Variants in FAM193A observed in about 807,000 individuals in gnomAD.
FAM193A encodes protein FAM193A.
FAM193A carries 22 observed loss-of-function variants against 126.5 expected under a neutral mutation model. The observed-to-expected ratio is 0.17, with a 90% CI of 0.12 to 0.25. The LOEUF is 0.25. FAM193A is among the 10% of genes least tolerant of loss of function. The probability of loss-of-function intolerance (pLI) is 1.00; values close to 1 mark genes in which losing one functional copy is unlikely to be tolerated. For synonymous variants in FAM193A, 761 were observed against 646.8 expected (o/e 1.18, Z -2.68); for missense variants, 1,675 against 1,672.8 (o/e 1.00, Z -0.02).
chr4:2,636,054 T>C (rs777462901), intron 5 of FAM193A, among the ~76,000 whole-genome samples: 1 of 151,904 alleles, frequency 6.6e-6, no homozygotes, highest in Non-Finnish European at 1.5e-5. Flanking sequence ...ATTTGTCTTT[T>C]TGTGTTTTTT....
At chr4:2,638,576 T>C (rs1386761528) in intron 5 of FAM193A, among the ~76,000 whole-genome samples, 1 of 152,222 alleles carries the variant, frequency 6.6e-6, no homozygotes, top group Admixed American at 6.5e-5. Context: ...TTTCTGCAGA[T>C]GGCATAGATT....
chr4:2,706,298 T>C (rs1035264385), intron 19 of FAM193A, among the ~76,000 whole-genome samples: 156 of 145,708 alleles, frequency 1.1e-3, no homozygotes, highest in South Asian at 4.7e-3. Flanking sequence ...TTTCTTTTTT[T>C]TTTTTTTTTT....
At position 2,596,314 on chromosome 4, in the gene FAM193A, C is replaced by T. The variant is rs1740859738; in HGVS notation, c.486C>T (p.Gly162=). Residue 162 remains glycine, a synonymous_variant, in exon 2 of 21, where the codon GGC becomes GGT. Coordinates refer to ENST00000637812, the MANE Select transcript of FAM193A (RefSeq NM_001366318.2). The part of the protein sequence containing the change: ...RTVEKEERHG[G]LDQPVSQDFL... Reference sequence around the variant, plus strand: ...TGGAGAAGGAGGAGAGGCATGGCGGCCTTGACCAGCCAGTGGTGAGTGGCT... The same window carrying T: ...TGGAGAAGGAGGAGAGGCATGGCGGTCTTGACCAGCCAGTGGTGAGTGGCT... 1.4e-6 allele frequency: 1 copy of T among 702,370 alleles called. No homozygotes were observed. Among genetic ancestry groups the T allele is most frequent in the African/African-American group, 1.7e-5 (1 of 57,260 alleles). The allele number at this position is 702,370 out of a possible 1,614,324, so 43.5% of individuals were successfully genotyped here.
chr4:2,653,489 G>A (rs1745874346), intron 7 of FAM193A, among the ~76,000 whole-genome samples: 1 of 152,032 alleles, frequency 6.6e-6, no homozygotes, highest in African/African-American at 2.4e-5. Flanking sequence ...CTGTCACCAG[G>A]CTGGAGTGCA....
chr4:2,577,564 G>C (rs753823346), intron 1 of FAM193A, among the ~76,000 whole-genome samples: 4 of 151,672 alleles, frequency 2.6e-5, no homozygotes, highest in Non-Finnish European at 5.9e-5. Context: ...AATTACAGGC[G>C]CCCGCCACCA....
chr4:2,721,231 T>C (rs1236342955), intron 20 of FAM193A, among the ~76,000 whole-genome samples: 2 of 142,014 alleles, frequency 1.4e-5, no homozygotes, highest in Non-Finnish European at 3.0e-5. Flanking sequence ...GAGAATGGCG[T>C]GAACCTGGGA....
In FAM193A at chr4:2,537,189, C is replaced by T. The variant is rs1736930720; in HGVS notation, c.255+19C>T. On this transcript the variant is annotated intron_variant, in intron 1 of 20. Coordinates refer to ENST00000637812, the MANE Select transcript of FAM193A (RefSeq NM_001366318.2). ...CTTCGAGGTAAGCGGCGGCAGCGGGCAGGGGTCGATGGCGGTACGCGGTTG... is the reference window on the plus strand; with the variant it reads ...CTTCGAGGTAAGCGGCGGCAGCGGGTAGGGGTCGATGGCGGTACGCGGTTG... 5.0e-6 allele frequency: 1 copy of T among 198,350 alleles called. No homozygotes were observed. The allele number at this position is 198,350 out of a possible 1,614,324, so 12.3% of individuals were successfully genotyped here.
intron 10 of FAM193A, among the ~76,000 whole-genome samples, chr4:2,662,420 T>G (rs766438819): frequency 5.3e-5 from 8 of 152,218 alleles, no homozygotes; most frequent in East Asian, 1.9e-4. Context: ...AGCTAAGGTT[T>G]AAAAAGCAAA....
At chr4:2,682,652 A>T (rs1715285296) in intron 13 of FAM193A, among the ~76,000 whole-genome samples, 1 of 152,172 alleles carries the variant, frequency 6.6e-6, no homozygotes, top group African/African-American at 2.4e-5. Context: ...CTCTGTTAGT[A>T]TATCAATTTT....
chr4:2,721,226 T>C (rs1318823765), intron 20 of FAM193A, among the ~76,000 whole-genome samples: 5 of 142,666 alleles, frequency 3.5e-5, no homozygotes, highest in Non-Finnish European at 6.0e-5. Flanking sequence ...GGCAGGAGAA[T>C]GGCGTGAACC....
intron 15 of FAM193A, among the ~76,000 whole-genome samples, chr4:2,693,103 G>A (rs1342818068): frequency 2.0e-5 from 3 of 152,006 alleles, no homozygotes; most frequent in Admixed American, 2.0e-4. Flanking sequence ...GGCTGCTGGA[G>A]TGCAGTGGTG....
chr4:2,650,659 C>T (rs1398546863), intron 7 of FAM193A, among the ~76,000 whole-genome samples: 1 of 152,158 alleles, frequency 6.6e-6, no homozygotes, highest in South Asian at 2.1e-4. Flanking sequence ...AAGAGTGTCT[C>T]TGTTGACGAC....
chr4:2,545,823 A>G (rs1737511363), intron 1 of FAM193A, among the ~76,000 whole-genome samples: 1 of 152,146 alleles, frequency 6.6e-6, no homozygotes, highest in Non-Finnish European at 1.5e-5. Flanking sequence ...CTGGGACTAC[A>G]GGTGTGCACC....
chr4:2,614,231 C>A (rs1577076132), intron 2 of FAM193A, among the ~76,000 whole-genome samples: 2 of 152,158 alleles, frequency 1.3e-5, no homozygotes, highest in East Asian at 3.8e-4. Context: ...TCCTCTTGCT[C>A]ATGATCTTAG....
chr4:2,569,560 C>G (rs1006272790), intron 1 of FAM193A, among the ~76,000 whole-genome samples: 3 of 151,938 alleles, frequency 2.0e-5, no homozygotes, highest in African/African-American at 7.3e-5. Flanking sequence ...GTGCAGTGGC[C>G]GATCATGACT....
chr4:2,652,695 A>G (rs961550758), intron 7 of FAM193A, among the ~76,000 whole-genome samples: 10 of 152,160 alleles, frequency 6.6e-5, no homozygotes, highest in African/African-American at 1.4e-4. Context: ...ATCTCCAACA[A>G]TGGGGATTAC....
intron 1 of FAM193A, among the ~76,000 whole-genome samples, chr4:2,562,537 C>T (rs894573126): frequency 2.0e-5 from 3 of 152,096 alleles, no homozygotes. Flanking sequence ...ATCCCTTAGG[C>T]TGTAGGAAAA....
intron 2 of FAM193A, among the ~76,000 whole-genome samples, chr4:2,609,969 C>T (rs1409106399): frequency 3.3e-5 from 5 of 150,752 alleles, no homozygotes; most frequent in African/African-American, 1.2e-4. Flanking sequence ...CAGTGGCTCA[C>T]TCCTGTAATC....
rs1271807430 is a variant in FAM193A, at chr4:2,657,866, T to G, written c.1375T>G (p.Phe459Val). The change falls in exon 8 of 21, where the codon TTC becomes GTC. Residue 459 changes from phenylalanine (F) to valine (V), a missense_variant. By Grantham distance (50) the Phe-to-Val change is conservative (BLOSUM62 -1). Around this residue, in one of 4 missense-constraint regions of FAM193A, gnomAD observed 1,186 missense variants for 1,109.2 expected, o/e 1.07. Coordinates refer to ENST00000637812, the MANE Select transcript of FAM193A (RefSeq NM_001366318.2). The part of the protein sequence containing the change: ...EDWELFKQRR[F>V]IEEQLTNKKA... ...CTGGGAGCTTTTTAAACAAAGAAGATTCATTGAAGAACAGGTAAGCTTGTC... is the reference window on the plus strand; with the variant it reads ...CTGGGAGCTTTTTAAACAAAGAAGAGTCATTGAAGAACAGGTAAGCTTGTC... The G allele has an allele frequency of 6.2e-7, 1 of 1,610,570 alleles. No individual in the cohort carries two copies. Among genetic ancestry groups the G allele is most frequent in the Non-Finnish European group, 8.5e-7 (1 of 1,177,814 alleles).
Sources: gnomAD v4.1 joint callset for allele counts (sites outside exome capture counted in the v4.1 genomes callset) on GRCh38, gnomAD v4.1.1 for gene constraint, gnomAD v4.1.1 regional missense constraint, MANE v1.5 for transcripts, NCBI Gene and HGNC (gene_info 2026-07-23, HGNC 2026-07-21) for gene names.